The following DAB1 variants were observed in gnomAD, a reference collection of about 807,000 sequenced individuals.
DAB1 encodes disabled homolog 1.
A neutral mutation model predicts 64.6 loss-of-function variants in DAB1; 15 were observed. That is an observed-to-expected ratio of 0.23 (90% CI 0.16 to 0.36). The LOEUF is 0.36. Among genes scored for constraint, DAB1 ranks in the 10% least tolerant of loss-of-function variants. DAB1 has a pLI of 1.00. For synonymous variants in DAB1, 235 were observed against 251.9 expected (o/e 0.93, Z 0.64); for missense variants, 596 against 706.7 (o/e 0.84, Z 1.78).
chr1:58,108,690 T>G (rs1651804787), intron 5 of DAB1, among the ~76,000 whole-genome samples: 1 of 152,214 alleles, frequency 6.6e-6, no homozygotes. Flanking sequence ...AAATGACATT[T>G]TTATTCTGGG....
chr1:58,366,560 C>A (rs1167885486), intron 3 of DAB1, among the ~76,000 whole-genome samples: 1 of 152,160 alleles, frequency 6.6e-6, no homozygotes, highest in African/African-American at 2.4e-5. Context: ...TCCCAGGAAC[C>A]CAAGAGTGAA....
chr1:57,450,639 G>A (rs1391138844), intron 7 of DAB1, among the ~76,000 whole-genome samples: 1 of 152,156 alleles, frequency 6.6e-6, no homozygotes, highest in Non-Finnish European at 1.5e-5. Flanking sequence ...ATACCATCAT[G>A]GACATCTCGA....
chr1:58,057,133 G>A (rs1648171615), intron 5 of DAB1, among the ~76,000 whole-genome samples: 1 of 152,066 alleles, frequency 6.6e-6, no homozygotes, highest in Admixed American at 6.5e-5. Flanking sequence ...CTTTCAAAGG[G>A]ATTGTGCATA....
At chr1:58,145,064 CAA>C (rs1398869509) in intron 5 of DAB1, among the ~76,000 whole-genome samples, 3 of 152,220 alleles carry the variant, frequency 2.0e-5, no homozygotes, top group Non-Finnish European at 4.4e-5. Flanking sequence ...AGAATACAAA[CAA>C]GAGACGGAAA....
chr1:57,259,931 A>AT (rs1407613640), intron 2 of DAB1, among the ~76,000 whole-genome samples: 6 of 152,112 alleles, frequency 3.9e-5, no homozygotes, highest in Admixed American at 3.3e-4. Flanking sequence ...AGGAAGAGAG[A>AT]TTTTTTAAAA....
chr1:57,150,830 T>C (rs1413917885), intron 2 of DAB1, among the ~76,000 whole-genome samples: 1 of 152,142 alleles, frequency 6.6e-6, no homozygotes, highest in Non-Finnish European at 1.5e-5. Context: ...ATCCTAATTA[T>C]CTTCTGGAAT....
intron 3 of DAB1, among the ~76,000 whole-genome samples, chr1:58,406,716 C>A (rs953286732): frequency 9.6e-5 from 8 of 83,182 alleles, no homozygotes; most frequent in Non-Finnish European, 1.6e-4. Context: ...TCATCCCCCC[C>A]CCCCAACTGC....
intron 6 of DAB1, among the ~76,000 whole-genome samples, chr1:57,676,995 G>A (rs1347047872): frequency 6.6e-6 from 1 of 152,134 alleles, no homozygotes; most frequent in Non-Finnish European, 1.5e-5. Context: ...GACTGTATAT[G>A]GAGATAGGGC....
chr1:58,231,077 G>A (rs751335881), intron 4 of DAB1, among the ~76,000 whole-genome samples: 4 of 152,238 alleles, frequency 2.6e-5, no homozygotes, highest in Non-Finnish European at 5.9e-5. Flanking sequence ...GACTAAATTA[G>A]TTAACAAATG....
chr1:58,147,707 G>A (rs1377059336), intron 5 of DAB1, among the ~76,000 whole-genome samples: 2 of 151,992 alleles, frequency 1.3e-5, no homozygotes, highest in Admixed American at 1.3e-4. Flanking sequence ...CAGTCCCTCT[G>A]CAGAGTACAT....
At chr1:58,307,148 T>C (rs1662326336) in intron 4 of DAB1, among the ~76,000 whole-genome samples, 1 of 152,188 alleles carries the variant, frequency 6.6e-6, no homozygotes, top group East Asian at 1.9e-4. Context: ...TTAGGCACTA[T>C]GTGGGGTACT....
At chr1:57,391,474 C>T (rs72674892) in intron 1 of DAB1, among the ~76,000 whole-genome samples, 56,545 of 151,968 alleles carry the variant, frequency 0.37, 10,958 homozygotes, top group Non-Finnish European at 0.43. Flanking sequence ...CTGCTTGGCA[C>T]ATGGGAGGTA....
At chr1:57,254,410 A>G (rs1272827586) in intron 2 of DAB1, among the ~76,000 whole-genome samples, 1 of 152,270 alleles carries the variant, frequency 6.6e-6, no homozygotes, top group Non-Finnish European at 1.5e-5. Context: ...ATCAATTACC[A>G]AAAGCAGCTA....
chr1:57,186,446 T>C (rs1041528903), intron 2 of DAB1, among the ~76,000 whole-genome samples: 7 of 152,208 alleles, frequency 4.6e-5, no homozygotes, highest in African/African-American at 1.7e-4. Context: ...TAAAACATTA[T>C]TTATTAGTGG....
intron 2 of DAB1, among the ~76,000 whole-genome samples, chr1:57,268,607 C>T (rs1670761291): frequency 1.3e-5 from 2 of 152,192 alleles, no homozygotes; most frequent in South Asian, 4.1e-4. Context: ...CTGAGAGCAC[C>T]TTACTCTCTT....
chr1:58,183,888 A>G (rs1456238179), intron 4 of DAB1, among the ~76,000 whole-genome samples: 2 of 150,192 alleles, frequency 1.3e-5, no homozygotes, highest in African/African-American at 2.4e-5. Flanking sequence ...AGATACCCCT[A>G]TTAAATTTTT....
At chr1:58,225,525 C>T (rs887551913) in intron 4 of DAB1, among the ~76,000 whole-genome samples, 35 of 151,698 alleles carry the variant, frequency 2.3e-4, no homozygotes, top group African/African-American at 7.5e-4. Context: ...ATGTTTATTG[C>T]GGCACTATTC....
chr1:57,337,037 G>C (rs1677136702), intron 1 of DAB1, among the ~76,000 whole-genome samples: 1 of 152,068 alleles, frequency 6.6e-6, no homozygotes, highest in Admixed American at 6.6e-5. Context: ...TTCTTCAACT[G>C]TTCAGTGTCC....
At chr1:57,094,108 CAAA>C (rs59491159) in intron 4 of DAB1, among the ~76,000 whole-genome samples, 8 of 112,664 alleles carry the variant, frequency 7.1e-5, no homozygotes, top group Non-Finnish European at 5.3e-5. Flanking sequence ...GACTCTGCCT[CAAA>C]AAAAAAAAAA....
Sources: allele counts gnomAD v4.1 joint callset (sites outside exome capture counted in the v4.1 genomes callset), GRCh38; gene constraint gnomAD v4.1.1; transcripts MANE v1.5; gene names NCBI Gene and HGNC (gene_info 2026-07-23, HGNC 2026-07-21).